The following CLASP1 variants were observed in gnomAD, a reference collection of about 807,000 sequenced individuals.
CLASP1 encodes cytoplasmic linker associated protein 1.
In CLASP1, 38 loss-of-function variants were observed where a neutral mutation model predicts 192.3. That is an observed-to-expected ratio of 0.20 (90% CI 0.15 to 0.26). The LOEUF is 0.26. CLASP1 is among the 10% of genes least tolerant of loss of function. The pLI is 1.00. For synonymous variants in CLASP1, 691 were observed against 712.8 expected, an observed-to-expected ratio of 0.97 and a Z score of 0.49; for missense variants, 1,433 against 1,932.5, an observed-to-expected ratio of 0.74 and a Z score of 4.85.
intron 39 of CLASP1, among the ~76,000 whole-genome samples, chr2:121,346,628 C>T (rs2063499902): frequency 1.3e-5 from 2 of 152,244 alleles, no homozygotes; most frequent in Admixed American, 6.5e-5. Flanking sequence ...TAGGGCTGCC[C>T]TGTAGGCTCA....
rs537885383 is a variant in CLASP1, at chr2:121,500,787, C to T, written c.712+2380G>A. ...TAACAATTAAAACAGTAATACTACA[C>T]ATACAAAGCAAAAAGCTGAAATTAT... is the stretch of plus-strand genomic sequence containing the variant. On this transcript the variant is annotated intron_variant, in intron 8 of 39. Transcript: ENST00000263710. Among the ~76,000 whole-genome samples the T allele has an allele frequency of 2.6e-5, 4 of 152,324 alleles. No homozygotes were observed. In the South Asian group the frequency reaches 8.3e-4, roughly 32 times the overall value.
intron 19 of CLASP1, among the ~76,000 whole-genome samples, chr2:121,441,619 T>A (rs1394998418): frequency 6.6e-6 from 1 of 151,774 alleles, no homozygotes; most frequent in Admixed American, 6.6e-5. Flanking sequence ...TAGTCCCAGC[T>A]ACTCTGACAG....
intron 2 of CLASP1, among the ~76,000 whole-genome samples, chr2:121,605,054 G>C (rs1403898958): frequency 6.6e-6 from 1 of 152,168 alleles, no homozygotes; most frequent in Non-Finnish European, 1.5e-5. Flanking sequence ...TTTTATTCAG[G>C]AAAACTGTCT....
At chr2:121,615,838 CA>C (rs1389279591) in intron 1 of CLASP1, among the ~76,000 whole-genome samples, 1 of 151,784 alleles carries the variant, frequency 6.6e-6, no homozygotes, top group African/African-American at 2.4e-5. Context: ...CAAAAACAAA[CA>C]AAAAAACCTG....
In CLASP1 at chr2:121,363,161, G is replaced by T; in HGVS notation, c.4206+11C>A. The T allele has an allele frequency of 6.2e-7, 1 of 1,613,904 alleles. No homozygotes were observed. The highest frequency in any genetic ancestry group is 1.1e-5 in the South Asian group (1 of 91,064). ...GTCTGTTCAGCACCCCTGGCCACAT[G>T]ACTGACTCACCTCCTTATGGGAGTC... On this transcript the variant is annotated intron_variant, in intron 37 of 39. Coordinates refer to ENST00000263710, the Ensembl canonical transcript of CLASP1.
chr2:121,381,863 A>AC (rs2071751578), intron 33 of CLASP1, among the ~76,000 whole-genome samples: 1 of 152,200 alleles, frequency 6.6e-6, no homozygotes, highest in Non-Finnish European at 1.5e-5. Flanking sequence ...TGCTAAGGAA[A>AC]CTGCTCCCAC....
At chr2:121,458,114 C>T (rs1482478698) in intron 13 of CLASP1, among the ~76,000 whole-genome samples, 2 of 152,102 alleles carry the variant, frequency 1.3e-5, no homozygotes, top group Non-Finnish European at 2.9e-5. Flanking sequence ...CAATAATGAC[C>T]TTGGGTTTAA....
intron 6 of CLASP1, among the ~76,000 whole-genome samples, chr2:121,525,010 T>C (rs1575656071): frequency 6.6e-6 from 1 of 152,224 alleles, no homozygotes; most frequent in Admixed American, 6.5e-5. Context: ...AAGGCCAGCC[T>C]GATACAACCT....
At chr2:121,408,151 A>T (rs1320073628) in intron 24 of CLASP1, among the ~76,000 whole-genome samples, 1 of 152,268 alleles carries the variant, frequency 6.6e-6, no homozygotes, top group Non-Finnish European at 1.5e-5. Context: ...CACCTGGCAC[A>T]ATGCAAATAT....
chr2:121,403,238 G>T (rs1175526136), intron 26 of CLASP1, among the ~76,000 whole-genome samples: 1 of 152,186 alleles, frequency 6.6e-6, no homozygotes, highest in African/African-American at 2.4e-5. Flanking sequence ...GTTGTGGGGG[G>T]AGGGGAGGAG....
chr2:121,519,069 C>T (rs1006337723), intron 6 of CLASP1, among the ~76,000 whole-genome samples: 8 of 152,012 alleles, frequency 5.3e-5, no homozygotes, highest in Non-Finnish European at 7.4e-5. Flanking sequence ...GGGCCATAAA[C>T]GTTTAAGAGA....
At chr2:121,441,349 C>A (rs1177895006) in intron 19 of CLASP1, among the ~76,000 whole-genome samples, 1 of 152,212 alleles carries the variant, frequency 6.6e-6, no homozygotes, top group Non-Finnish European at 1.5e-5. Context: ...AGCCTTTACT[C>A]ATACACTGAC....
chr2:121,496,113 T>C (rs895061575), intron 8 of CLASP1, among the ~76,000 whole-genome samples: 1 of 152,216 alleles, frequency 6.6e-6, no homozygotes, highest in South Asian at 2.1e-4. Context: ...CACAGGGGCA[T>C]GTGGGCACCC....
chr2:121,428,360 C>T (rs1347572990), intron 20 of CLASP1, among the ~76,000 whole-genome samples: 1 of 152,230 alleles, frequency 6.6e-6, no homozygotes, highest in East Asian at 1.9e-4. Context: ...TCAACCCCCA[C>T]AGAGGGAAGC....
intron 25 of CLASP1, among the ~76,000 whole-genome samples, chr2:121,405,458 CA>C (rs2076771801): frequency 6.6e-6 from 1 of 152,180 alleles, no homozygotes; most frequent in Non-Finnish European, 1.5e-5. Context: ...TAGGACAAAG[CA>C]AACACTCATT....
At chr2:121,347,238 T>C (rs1379629421) in intron 38 of CLASP1, 84 bp from the exon 40 acceptor site, 8 of 933,682 alleles carry the variant, frequency 8.6e-6, no homozygotes, top group Non-Finnish European at 1.4e-5. Flanking sequence ...TTTCCACAAA[T>C]GCCCTCAGAG....
intron 7 of CLASP1, among the ~76,000 whole-genome samples, chr2:121,506,307 T>C (rs1163822852): frequency 6.6e-6 from 1 of 152,092 alleles, no homozygotes; most frequent in Non-Finnish European, 1.5e-5. Flanking sequence ...ATTCCACCTA[T>C]CTGGCACATC....
intron 21 of CLASP1, among the ~76,000 whole-genome samples, chr2:121,425,700 A>T (rs1308650655): frequency 2.0e-5 from 3 of 152,220 alleles, no homozygotes; most frequent in Admixed American, 2.0e-4. Flanking sequence ...TGAATCCAAG[A>T]AAACTCTATT....
At chr2:121,396,368 C>G (rs1385268232) in intron 30 of CLASP1, among the ~76,000 whole-genome samples, 1 of 152,164 alleles carries the variant, frequency 6.6e-6, no homozygotes, top group African/African-American at 2.4e-5. Context: ...ATTCAAACAG[C>G]AAATGAACAA....
Sources: gnomAD v4.1 joint callset for allele counts (sites outside exome capture counted in the v4.1 genomes callset) on GRCh38, gnomAD v4.1.1 for gene constraint, MANE v1.5 for transcripts, NCBI Gene and HGNC (gene_info 2026-07-23, HGNC 2026-07-21) for gene names.